Variants in SHROOM4 observed in about 807,000 individuals in gnomAD.
SHROOM4 encodes shroom family member 4.
SHROOM4 carries 17 observed loss-of-function variants against 80.3 expected under a neutral mutation model. The observed-to-expected ratio is 0.21, with a 90% CI of 0.14 to 0.32. The LOEUF (loss-of-function observed/expected upper bound fraction) is 0.32, where lower values mean the gene tolerates loss of function less well. Ranked by LOEUF, SHROOM4 falls within the 10% of genes least tolerant of loss-of-function variation. The pLI is 1.00. For synonymous variants in SHROOM4, 400 were observed against 437.5 expected (o/e 0.91, Z 1.07); for missense variants, 993 against 1,140.3 (o/e 0.87, Z 1.86).
At chrX:50,646,377 T>A (rs1248205745) in intron 2 of SHROOM4, among the ~76,000 whole-genome samples, 4 of 110,129 alleles carry the variant, frequency 3.6e-5, no homozygotes, top group Non-Finnish European at 5.7e-5. Context: ...GCATGGCTTG[T>A]TTATTTGACA....
Position 50,655,841 on chromosome X carries a change from T to G in SHROOM4, c.270-17533A>C. Reference sequence around the variant, plus strand: ...TTTTTAGTTTTTTGAGAAGCCCCCCTACTGTTTTCCATAATGGCTATACTA... The same window carrying G: ...TTTTTAGTTTTTTGAGAAGCCCCCCGACTGTTTTCCATAATGGCTATACTA... On this transcript the variant is annotated intron_variant, in intron 2 of 8. Coordinates refer to ENST00000376020, the MANE Select transcript of SHROOM4 (RefSeq NM_020717.5). Among the ~76,000 whole-genome samples the G allele has an allele frequency of 3.6e-5, 4 of 110,494 alleles. No homozygotes were observed. The Middle Eastern group carries it at 0.019, about 514-fold the overall frequency.
At chrX:50,731,930 C>T (rs1934381255) in intron 1 of SHROOM4, among the ~76,000 whole-genome samples, 1 of 111,977 alleles carries the variant, frequency 8.9e-6, no homozygotes, top group Admixed American at 9.5e-5. Context: ...ACAGCCAAGA[C>T]TATAGGCTGG....
intron 1 of SHROOM4, among the ~76,000 whole-genome samples, chrX:50,785,457 CTATGA>C (rs782657692): frequency 4.3e-4 from 48 of 112,056 alleles, no homozygotes; most frequent in Non-Finnish European, 6.6e-4. Context: ...AATAAACAAA[CTATGA>C]TATATCTATG....
chrX:50,630,982 T>C (rs1285210513), intron 4 of SHROOM4, among the ~76,000 whole-genome samples: 1 of 111,759 alleles, frequency 8.9e-6, no homozygotes, highest in Non-Finnish European at 1.9e-5. Flanking sequence ...AGACATTTTA[T>C]ACAAACTCTT....
chrX:50,691,808 C>T (rs1258053756), intron 2 of SHROOM4, among the ~76,000 whole-genome samples: 1 of 111,782 alleles, frequency 8.9e-6, no homozygotes, highest in East Asian at 2.8e-4. Context: ...GGTAATCACA[C>T]TTCTTTTACG....
At chrX:50,625,515 G>T (rs1346813194) in intron 5 of SHROOM4, among the ~76,000 whole-genome samples, 1 of 111,597 alleles carries the variant, frequency 9.0e-6, no homozygotes, top group Non-Finnish European at 1.9e-5. Context: ...AAACAACCAA[G>T]GTGTTAAGGT....
At chrX:50,618,272 CTCTTCCCCTTCCTTCCTTCCTTCCT>C (rs1930342033) in intron 5 of SHROOM4, among the ~76,000 whole-genome samples, 1 of 102,547 alleles carries the variant, frequency 9.8e-6, no homozygotes, top group Non-Finnish European at 2.0e-5. Context: ...TTCTTCTCTT[CTCTTCCCCTTCCTTCCTTCCTTCCT>C]TCCTTCCTTC....
chrX:50,686,025 T>TTTTG (rs782262945), intron 2 of SHROOM4, among the ~76,000 whole-genome samples: 2 of 110,815 alleles, frequency 1.8e-5, no homozygotes, highest in Non-Finnish European at 3.8e-5. Context: ...AATGAAGTTT[T>TTTTG]TTTGTTTGTT....
intron 1 of SHROOM4, among the ~76,000 whole-genome samples, chrX:50,795,167 G>GATATAT (rs782186253): frequency 2.6e-4 from 11 of 43,110 alleles, no homozygotes; most frequent in African/African-American, 1.2e-3. Flanking sequence ...ATATATATAT[G>GATATAT]ATATATATAT....
At chrX:50,728,501 A>G (rs1412569992) in intron 1 of SHROOM4, among the ~76,000 whole-genome samples, 2 of 112,688 alleles carry the variant, frequency 1.8e-5, no homozygotes, top group African/African-American at 6.4e-5. Context: ...GGCAGACTTG[A>G]AAGTATTCTC....
In SHROOM4 at chrX:50,638,289, T is replaced by G. The variant is rs1557256540; in HGVS notation, c.289A>C (p.Arg97=). The change falls in exon 3 of 9, where the codon AGG becomes CGG. Residue 97 remains arginine, a synonymous_variant. Coordinates refer to ENST00000376020, the MANE Select transcript of SHROOM4 (RefSeq NM_020717.5). ...IVRRRNAPVS[R]PHSWHVAKLL... is the part of the protein sequence containing the mutation. ...TTGGCCACATGCCATGAGTGCGGCC[T>G]ACTGACAGGGGCGTTCCTCCTACAG... 1 of 1,211,828 alleles carries G rather than the reference T, an allele frequency of 8.3e-7. No individual in the cohort carries two copies. Among genetic ancestry groups the G allele is most frequent in the South Asian group, 1.8e-5 (1 of 56,913 alleles).
chrX:50,641,251 T>C (rs1307559279), intron 2 of SHROOM4, among the ~76,000 whole-genome samples: 1 of 112,322 alleles, frequency 8.9e-6, no homozygotes, highest in Non-Finnish European at 1.9e-5. Context: ...CAGTAGGCAA[T>C]GGGTGAAAAA....
intron 1 of SHROOM4, among the ~76,000 whole-genome samples, chrX:50,740,003 T>G (rs1292887343): frequency 5.8e-5 from 3 of 51,836 alleles, no homozygotes; most frequent in Non-Finnish European, 1.1e-4. Context: ...TATGCAGCCA[T>G]AAAAAATGAT....
chrX:50,779,523 A>G (rs1316531048), intron 1 of SHROOM4, among the ~76,000 whole-genome samples: 1 of 111,886 alleles, frequency 8.9e-6, no homozygotes, highest in Non-Finnish European at 1.9e-5. Flanking sequence ...AAGGATAATC[A>G]TCTGGGTCTC....
the SHROOM4 span, among the ~76,000 whole-genome samples, chrX:50,581,076 G>T: frequency 9.0e-6 from 1 of 111,477 alleles, no homozygotes; most frequent in African/African-American, 3.3e-5. Context: ...CTGCTCTCTT[G>T]GAGATTACAG....
At chrX:50,615,672 T>G (rs1002100945) in intron 5 of SHROOM4, among the ~76,000 whole-genome samples, 6 of 111,631 alleles carry the variant, frequency 5.4e-5, no homozygotes, top group Admixed American at 1.9e-4. Flanking sequence ...AAGTTAGATC[T>G]TTTTTACTGT....
chrX:50,584,308 T>G (rs1928719096), downstream of SHROOM4, among the ~76,000 whole-genome samples: 1 of 112,581 alleles, frequency 8.9e-6, no homozygotes, highest in Non-Finnish European at 1.9e-5. Flanking sequence ...CTATTCAGTC[T>G]TTAAATATCA....
chrX:50,576,203 C>T, the SHROOM4 span, among the ~76,000 whole-genome samples: 1 of 112,106 alleles, frequency 8.9e-6, no homozygotes, highest in Non-Finnish European at 1.9e-5. Flanking sequence ...CTTATCATTA[C>T]TGGAGCTCCT....
chrX:50,793,928 T>C, intron 1 of SHROOM4, among the ~76,000 whole-genome samples: 1 of 110,343 alleles, frequency 9.1e-6, no homozygotes, highest in Non-Finnish European at 1.9e-5. Flanking sequence ...GTGGTTCCCA[T>C]ATGGTTCAGT....
Sources: gnomAD v4.1 joint callset for allele counts (sites outside exome capture counted in the v4.1 genomes callset) on GRCh38, gnomAD v4.1.1 for gene constraint, MANE v1.5 for transcripts, NCBI Gene and HGNC (gene_info 2026-07-23, HGNC 2026-07-21) for gene names.